PPP2R2C: variants seen among roughly 807,000 people sequenced by gnomAD.
PPP2R2C encodes protein phosphatase 2 regulatory subunit Bgamma.
A neutral mutation model predicts 45.3 loss-of-function variants in PPP2R2C; 10 were observed. The observed-to-expected ratio is 0.22, with a 90% CI of 0.14 to 0.37. PPP2R2C has a LOEUF of 0.37. PPP2R2C is among the 10% of genes least tolerant of loss of function. The pLI, the probability that PPP2R2C is intolerant of heterozygous loss-of-function variation, is 1.00. For missense variants in PPP2R2C, 308 were observed against 619.7 expected (o/e 0.50, Z 5.34); for synonymous variants, 257 against 245.4 (o/e 1.05, Z -0.44).
intron 2 of PPP2R2C, among the ~76,000 whole-genome samples, chr4:6,493,541 G>A (rs546251126): frequency 8.6e-5 from 13 of 151,408 alleles, no homozygotes; most frequent in Admixed American, 4.6e-4. Context: ...GACACACTCC[G>A]TACATCTGGT....
At chr4:6,414,819 C>G (rs1237708425) in intron 1 of PPP2R2C, among the ~76,000 whole-genome samples, 3 of 152,148 alleles carry the variant, frequency 2.0e-5, no homozygotes, top group Non-Finnish European at 4.4e-5. Flanking sequence ...TGCCTAACCC[C>G]TCTGAGCTTC....
At position 6,471,118 on chromosome 4, in the gene PPP2R2C, G is replaced by C. The variant is rs1721852403; in HGVS notation, c.70+1042C>G. 6.6e-6 allele frequency among the ~76,000 whole-genome samples: 1 copy of C among 152,152 alleles called. No homozygotes were observed. Among genetic ancestry groups the C allele is most frequent in the Non-Finnish European group, 1.5e-5 (1 of 68,010 alleles). Reference sequence around the variant, plus strand: ...GTCTCCCTGACACAGGCACCCACGCGCACCTGCCCCGCGGGACCCGTGCCC... The same window carrying C: ...GTCTCCCTGACACAGGCACCCACGCCCACCTGCCCCGCGGGACCCGTGCCC... On this transcript the variant is annotated intron_variant, in intron 1 of 8. Coordinates refer to ENST00000382599, the MANE Select transcript of PPP2R2C (RefSeq NM_020416.4). The surrounding 1 kb of genome is among the most constrained non-coding windows in gnomAD (Gnocchi z 5.6).
intron 1 of PPP2R2C, among the ~76,000 whole-genome samples, chr4:6,410,869 ATTTAT>A (rs989917313): frequency 2.7e-5 from 4 of 148,490 alleles, no homozygotes; most frequent in African/African-American, 1.0e-4. Flanking sequence ...TTATTTATTT[ATTTAT>A]TTATTTATTT....
chr4:6,518,776 A>G (rs537473957), intron 2 of PPP2R2C, among the ~76,000 whole-genome samples: 68 of 151,982 alleles, frequency 4.5e-4, no homozygotes, highest in African/African-American at 1.6e-3. Flanking sequence ...TACAAAAATT[A>G]CCCAGGCATA....
In PPP2R2C at chr4:6,466,510, A is replaced by G. The variant is rs111883035; in HGVS notation, c.70+5650T>C. 9.2e-5 allele frequency among the ~76,000 whole-genome samples: 14 copies of G among 152,282 alleles called. 2 individuals carry two copies. Among genetic ancestry groups the G allele is most frequent in the African/African-American group, 3.4e-4 (14 of 41,540 alleles). On this transcript the variant is annotated intron_variant, in intron 1 of 8. Transcript: ENST00000382599. ...AAAATTGTTGATACAGACAGATTACAGTTTTCATTAAAAACAGACATGGGC... is the reference window on the plus strand; with the variant it reads ...AAAATTGTTGATACAGACAGATTACGGTTTTCATTAAAAACAGACATGGGC...
intron 1 of PPP2R2C, among the ~76,000 whole-genome samples, chr4:6,537,529 T>A (rs1050198225): frequency 6.6e-6 from 1 of 151,570 alleles, no homozygotes; most frequent in Non-Finnish European, 1.5e-5. Context: ...TGCTACAATG[T>A]AGACGAACTT....
intron 1 of PPP2R2C, chr4:6,384,216 T>C: frequency 1.0e-6 from 1 of 985,392 alleles, no homozygotes; most frequent in South Asian, 4.7e-5. Flanking sequence ...GGGTCCCCGA[T>C]GGGGCGCTGG....
At chr4:6,351,284 G>C in intron 5 of PPP2R2C, 2 of 781,660 alleles carry the variant, frequency 2.6e-6, no homozygotes, top group Non-Finnish European at 3.1e-6. Flanking sequence ...CTGCACTCCA[G>C]ACTGGGTGAC....
intron 2 of PPP2R2C, among the ~76,000 whole-genome samples, chr4:6,501,208 G>T (rs547166682): frequency 6.6e-6 from 1 of 152,182 alleles, no homozygotes; most frequent in African/African-American, 2.4e-5. Context: ...ATCTAACCCA[G>T]CTGCTGCCAT....
chr4:6,358,204 T>C (rs1215718355), intron 5 of PPP2R2C, among the ~76,000 whole-genome samples: 1 of 152,102 alleles, frequency 6.6e-6, no homozygotes, highest in Admixed American at 6.5e-5. Context: ...CATCTGATCT[T>C]TGACAAACCT....
chr4:6,357,196 A>T (rs1713282516), intron 5 of PPP2R2C, among the ~76,000 whole-genome samples: 1 of 151,914 alleles, frequency 6.6e-6, no homozygotes, highest in Non-Finnish European at 1.5e-5. Flanking sequence ...AGGGAGCAGG[A>T]GGAGAAAGTC....
chr4:6,502,733 C>T (rs1723099384), intron 2 of PPP2R2C, among the ~76,000 whole-genome samples: 1 of 152,152 alleles, frequency 6.6e-6, no homozygotes, highest in South Asian at 2.1e-4. Flanking sequence ...TGCACACTTC[C>T]TGACCCCCTC....
intron 1 of PPP2R2C, among the ~76,000 whole-genome samples, chr4:6,461,643 A>G (rs919543611): frequency 6.6e-6 from 1 of 152,148 alleles, no homozygotes; most frequent in Non-Finnish European, 1.5e-5. Context: ...ATCATCCACA[A>G]TGAACTGTTA....
intron 2 of PPP2R2C, among the ~76,000 whole-genome samples, chr4:6,524,996 G>A (rs1302797856): frequency 6.6e-6 from 1 of 152,142 alleles, no homozygotes; most frequent in Non-Finnish European, 1.5e-5. Context: ...TGAGGCAGAA[G>A]GATCACTTGA....
intron 1 of PPP2R2C, among the ~76,000 whole-genome samples, chr4:6,542,800 T>C (rs1374965190): frequency 2.0e-5 from 3 of 152,006 alleles, no homozygotes; most frequent in Non-Finnish European, 4.4e-5. Context: ...TCACTAACAC[T>C]GACACGAGAA....
At chr4:6,337,052 A>G (rs1361396510) in intron 6 of PPP2R2C, among the ~76,000 whole-genome samples, 1 of 100,806 alleles carries the variant, frequency 9.9e-6, no homozygotes, top group Non-Finnish European at 2.0e-5. Flanking sequence ...CTCACATGAT[A>G]ATGTTTTGTG....
At chr4:6,367,806 CA>C in intron 5 of PPP2R2C, among the ~76,000 whole-genome samples, 1 of 152,310 alleles carries the variant, frequency 6.6e-6, no homozygotes, top group South Asian at 2.1e-4. Context: ...GCACCAGGTG[CA>C]CTGAGGTTCC....
intron 2 of PPP2R2C, among the ~76,000 whole-genome samples, chr4:6,505,554 T>G (rs1723198244): frequency 6.6e-6 from 1 of 152,168 alleles, no homozygotes; most frequent in Non-Finnish European, 1.5e-5. Context: ...ATTAATAAAC[T>G]TTTCATAGTA....
intron 6 of PPP2R2C, among the ~76,000 whole-genome samples, chr4:6,338,864 G>T (rs1478565586): frequency 1.3e-5 from 2 of 152,190 alleles, no homozygotes; most frequent in African/African-American, 4.8e-5. Flanking sequence ...CGTGCTCTGT[G>T]TGACCTCAGG....
Sources: gnomAD v4.1 joint callset for allele counts (sites outside exome capture counted in the v4.1 genomes callset) on GRCh38, gnomAD v4.1.1 for gene constraint, Gnocchi (gnomAD v3.1) non-coding constraint, MANE v1.5 for transcripts, NCBI Gene and HGNC (gene_info 2026-07-23, HGNC 2026-07-21) for gene names.